The following SYNE2 variants were observed in gnomAD, a reference collection of about 807,000 sequenced individuals.
SYNE2 encodes the protein nesprin-2.
In SYNE2, 431 loss-of-function variants were observed where a neutral mutation model predicts 856.3. That is an observed-to-expected ratio of 0.50 (90% CI 0.47 to 0.55). The LOEUF (loss-of-function observed/expected upper bound fraction) is 0.55, where lower values mean the gene tolerates loss of function less well. Ranked by LOEUF, SYNE2 falls within the 20% of genes least tolerant of loss-of-function variation. SYNE2 has a pLI of 0.00. For missense variants in SYNE2, 8,129 were observed against 8,023.2 expected (o/e 1.01, Z -0.50); for synonymous variants, 2,923 against 2,872.3 (o/e 1.02, Z -0.56).
intron 71 of SYNE2, among the ~76,000 whole-genome samples, chr14:64,125,585 C>T (rs1025846661): frequency 1.3e-5 from 2 of 152,106 alleles, no homozygotes; most frequent in African/African-American, 2.4e-5. Context: ...TGTGAGGTGT[C>T]TATCAGAGAA....
chr14:64,151,789 C>T (rs956091033), intron 84 of SYNE2, among the ~76,000 whole-genome samples: 13 of 152,162 alleles, frequency 8.5e-5, no homozygotes, highest in African/African-American at 3.1e-4. Context: ...CTTGTGTTTT[C>T]CAGTTTCTTT....
chr14:64,225,376 C>A lies in SYNE2; in HGVS notation c.20574C>A (p.Ala6858=). The part of the protein sequence containing the change: ...RSFLSRVVRA[A]LPLQLLLLLL... ...TCCTCTCAAGGGTGGTCCGGGCAGC[C>A]CTACCCCTGCAGCTGCTCCTCCTGC... The change falls in exon 116 of 116, where the codon GCC becomes GCA. Residue 6858 remains alanine (A), a synonymous_variant. Coordinates refer to ENST00000555002, the MANE Select transcript of SYNE2 (RefSeq NM_182914.3). 1 of 1,614,130 alleles carries A rather than the reference C, an allele frequency of 6.2e-7. No individual in the cohort carries two copies. The highest frequency in any genetic ancestry group is 8.5e-7 in the Non-Finnish European group (1 of 1,180,016).
At chr14:64,137,352 A>G (rs1273804699) in intron 78 of SYNE2, among the ~76,000 whole-genome samples, 1 of 152,118 alleles carries the variant, frequency 6.6e-6, no homozygotes, top group East Asian at 1.9e-4. Flanking sequence ...GGTGTGCGCC[A>G]CCAAGTCCCG....
chr14:63,846,852 C>T (rs1481677954), intron 1 of SYNE2, among the ~76,000 whole-genome samples: 1 of 152,070 alleles, frequency 6.6e-6, no homozygotes, highest in Non-Finnish European at 1.5e-5. Context: ...CTGCCTCTGC[C>T]TCTCGAAGTG....
At chr14:63,989,647 A>C (rs1254909951) in intron 19 of SYNE2, among the ~76,000 whole-genome samples, 1 of 146,236 alleles carries the variant, frequency 6.8e-6, no homozygotes, top group African/African-American at 2.5e-5. Context: ...ATTTTATTTC[A>C]TTTATTTTAT....
chr14:64,131,292 G>A (rs571329278), intron 76 of SYNE2, among the ~76,000 whole-genome samples: 2 of 152,240 alleles, frequency 1.3e-5, no homozygotes, highest in South Asian at 4.2e-4. Context: ...TAATATGGAG[G>A]GATCCCTCCA....
At chr14:64,217,069 C>A (rs2098669982) in intron 108 of SYNE2, among the ~76,000 whole-genome samples, 1 of 152,142 alleles carries the variant, frequency 6.6e-6, no homozygotes, top group Non-Finnish European at 1.5e-5. Flanking sequence ...ACATCCTATT[C>A]CAAAAAATCA....
At chr14:63,902,828 G>A (rs937370372) in intron 1 of SYNE2, among the ~76,000 whole-genome samples, 2 of 152,030 alleles carry the variant, frequency 1.3e-5, no homozygotes, top group Non-Finnish European at 2.9e-5. Flanking sequence ...GGAGTAGCTA[G>A]GACTACAGGT....
Position 64,162,170 on chromosome 14 carries a change from CCGCAAGG to C in SYNE2, c.16195_16201del (p.Ala5399Ter), listed in dbSNP as rs1567508440. 1.2e-6 allele frequency: 2 copies of C among 1,614,190 alleles called. No homozygotes were observed. The highest frequency in any genetic ancestry group is 1.7e-6 in the Non-Finnish European group (2 of 1,180,028). ...TATAGCAATGCTCATGGTGAAGCTGCCGCAAGGCTGAAGCAGCAGGAAGCAAAGTTTC... is the reference window on the plus strand; with the variant it reads ...TATAGCAATGCTCATGGTGAAGCTGCCTGAAGCAGCAGGAAGCAAAGTTTC... On this transcript the variant is annotated frameshift_variant, in exon 88 of 116. Transcript: ENST00000555002. LOFTEE classifies it high-confidence loss of function.
In SYNE2 at chr14:64,095,073, T is replaced by C. The variant is rs369674974; in HGVS notation, c.12108+1593T>C. 1.1e-3 allele frequency: 192 copies of C among 170,506 alleles called. 1 individual carries two copies. Among genetic ancestry groups the C allele is most frequent in the Non-Finnish European group, 8.3e-4 (57 of 68,286 alleles). The allele number at this position is 170,506 out of a possible 1,614,324, so 10.6% of individuals were successfully genotyped here. A position where few individuals can be genotyped will look rare whatever the true frequency, so the allele number is the denominator to read the frequency against. On this transcript the variant is annotated intron_variant, in intron 61 of 115. Coordinates refer to ENST00000555002, the MANE Select transcript of SYNE2 (RefSeq NM_182914.3). ...GCAAAAGTAATTCCAGTTTTTACCA[T>C]TAAAAGTAATGACAAAAACCGCGAT...
Position 64,214,298 on chromosome 14 carries a change from G to C in SYNE2, c.19161G>C (p.Pro6387=). 6.2e-7 allele frequency: 1 copy of C among 1,614,104 alleles called. No individual in the cohort carries two copies. The part of the protein sequence containing the change: ...SWRKRGESEE[P]SSPQSLCHLV... ...GTAAACGGGGAGAGAGCGAGGAACC[G>C]TCATCTCCTCAGTCCCTGTGTCATC... Residue 6387 remains proline (P), a synonymous_variant, in exon 106 of 116, where the codon CCG becomes CCC. Transcript: ENST00000555002.
chr14:64,001,456 A>C (rs2096754284), intron 28 of SYNE2, among the ~76,000 whole-genome samples: 1 of 152,206 alleles, frequency 6.6e-6, no homozygotes, highest in African/African-American at 2.4e-5. Context: ...AGGCCAAGGC[A>C]GGCGGATCAC....
chr14:63,857,604 G>A (rs1892178662), intron 1 of SYNE2, among the ~76,000 whole-genome samples: 1 of 152,152 alleles, frequency 6.6e-6, no homozygotes, highest in South Asian at 2.1e-4. Flanking sequence ...GGTTCCAGTT[G>A]CCCCAGATCC....
In SYNE2 at chr14:64,027,971, A is replaced by T. The variant is rs560530008; in HGVS notation, c.6714+178A>T. Among the ~76,000 whole-genome samples, 3 of 152,098 alleles carry T rather than the reference A, an allele frequency of 2.0e-5. No homozygotes were observed. In the East Asian group the frequency reaches 5.8e-4, roughly 29 times the overall value. On this transcript the variant is annotated intron_variant, in intron 43 of 115. Coordinates refer to ENST00000555002, the MANE Select transcript of SYNE2 (RefSeq NM_182914.3). ...GCCCAGGCTGGAGTGCAGTGGCATG[A>T]TCTCAGCTCACTGCAGTGTCAACCT... is the stretch of plus-strand genomic sequence containing the variant.
chr14:63,993,818 ATTT>A lies in SYNE2; in HGVS notation c.2647-5_2647-3del. On this transcript the variant is annotated splice_polypyrimidine_tract_variant and intron_variant, in intron 21 of 115. Coordinates refer to ENST00000555002, the MANE Select transcript of SYNE2 (RefSeq NM_182914.3). ...TGAGGCTTTTATGATTTTGTTTGCAATTTTTTTTTTTTTTAGGAAGCACTAATA... is the reference window on the plus strand; with the variant it reads ...TGAGGCTTTTATGATTTTGTTTGCAATTTTTTTTTTTAGGAAGCACTAATA... 12 of 1,432,472 alleles carry A rather than the reference ATTT, an allele frequency of 8.4e-6. No homozygotes were observed. Among genetic ancestry groups the A allele is most frequent in the South Asian group, 1.2e-5 (1 of 80,648 alleles). The allele number at this position is 1,432,472 out of a possible 1,614,324, so 88.7% of individuals were successfully genotyped here.
intron 2 of SYNE2, among the ~76,000 whole-genome samples, chr14:63,924,613 T>C (rs2095637729): frequency 6.6e-6 from 1 of 152,222 alleles, no homozygotes; most frequent in South Asian, 2.1e-4. Flanking sequence ...TTATTTGTTT[T>C]GATGCCATTA....
intron 11 of SYNE2, among the ~76,000 whole-genome samples, chr14:63,969,644 A>AT (rs945819965): frequency 5.3e-5 from 8 of 151,506 alleles, no homozygotes; most frequent in African/African-American, 1.2e-4. Flanking sequence ...CCCGGCCCTT[A>AT]TTTTTTTTAT....
Position 64,146,061 on chromosome 14 carries a change from C to A in SYNE2, c.15484-7C>A. ...TAACATTTTTTGTAATCTTTACATT[C>A]ACTTAGATACAACATTTAGAACAAC... On this transcript the variant is annotated splice_polypyrimidine_tract_variant and splice_region_variant and intron_variant, in intron 83 of 115. Transcript: ENST00000555002. 2.6e-6 allele frequency: 4 copies of A among 1,547,774 alleles called. No homozygotes were observed. Among genetic ancestry groups the A allele is most frequent in the Middle Eastern group, 1.7e-4 (1 of 5,892 alleles).
chr14:64,122,742 C>T (rs894449449), intron 70 of SYNE2, among the ~76,000 whole-genome samples: 1 of 152,064 alleles, frequency 6.6e-6, no homozygotes, highest in Non-Finnish European at 1.5e-5. Context: ...TGCCAAGCAC[C>T]GTACCTAGGA....
Sources: allele counts gnomAD v4.1 joint callset (sites outside exome capture counted in the v4.1 genomes callset), GRCh38; gene constraint gnomAD v4.1.1; transcripts MANE v1.5; gene names NCBI Gene and HGNC (gene_info 2026-07-23, HGNC 2026-07-21).